Variants in TUSC3 observed in about 807,000 individuals in gnomAD.
The protein encoded by TUSC3 is dolichyl-diphosphooligosaccharide--protein glycosyltransferase subunit TUSC3.
TUSC3 carries 45 observed loss-of-function variants against 44.8 expected under a neutral mutation model. That is an observed-to-expected ratio of 1.00 (90% CI 0.79 to 1.29). The LOEUF (loss-of-function observed/expected upper bound fraction) is 1.29, where lower values mean the gene tolerates loss of function less well. TUSC3 is among the 50% of genes most tolerant of loss of function. The pLI, the probability that TUSC3 is intolerant of heterozygous loss-of-function variation, is 0.00. For synonymous variants in TUSC3, 212 were observed against 152.9 expected (o/e 1.39, Z -2.85); for missense variants, 519 against 437.9 (o/e 1.19, Z -1.65).
chr8:15,514,066 A>G (rs115643928), intron 2 of TUSC3, among the ~76,000 whole-genome samples: 1 of 152,128 alleles, frequency 6.6e-6, no homozygotes, highest in African/African-American at 2.4e-5. Context: ...GGTCCCTTCT[A>G]TGCGCCACCA....
chr8:15,725,394 C>T (rs1434814388), intron 6 of TUSC3, among the ~76,000 whole-genome samples: 1 of 152,104 alleles, frequency 6.6e-6, no homozygotes, highest in Non-Finnish European at 1.5e-5. Flanking sequence ...ATCTTTTGCT[C>T]TCAAGGCTGA....
intron 2 of TUSC3, among the ~76,000 whole-genome samples, chr8:15,489,617 C>T (rs1165663408): frequency 1.3e-5 from 2 of 152,142 alleles, no homozygotes; most frequent in Non-Finnish European, 1.5e-5. Flanking sequence ...GATCTGCTGT[C>T]ATGTGATGCT....
upstream of TUSC3, among the ~76,000 whole-genome samples, chr8:15,535,798 G>A (rs1801514139): frequency 6.6e-6 from 1 of 152,092 alleles, no homozygotes; most frequent in Non-Finnish European, 1.5e-5. Flanking sequence ...TTAAGAAGGG[G>A]AGGTTTGGGA....
At chr8:15,538,260 A>G (rs1173442426), upstream of TUSC3, among the ~76,000 whole-genome samples, 1 of 152,236 alleles carries the variant, frequency 6.6e-6, no homozygotes, top group African/African-American at 2.4e-5. Context: ...GCTTGCTCTC[A>G]GGCCACTGGA....
intron 6 of TUSC3, among the ~76,000 whole-genome samples, chr8:15,725,479 C>T (rs1396153562): frequency 6.6e-6 from 1 of 152,144 alleles, no homozygotes; most frequent in Non-Finnish European, 1.5e-5. Flanking sequence ...GAGAATTTAA[C>T]TCAGATATAG....
intron 2 of TUSC3, among the ~76,000 whole-genome samples, chr8:15,494,899 G>A (rs1800859072): frequency 6.6e-6 from 1 of 151,960 alleles, no homozygotes; most frequent in Non-Finnish European, 1.5e-5. Context: ...ATCTATAGCT[G>A]CATATTATCT....
Position 15,691,325 on chromosome 8 carries a change from A to G in TUSC3, c.798+17489A>G, listed in dbSNP as rs1184081054. Among the ~76,000 whole-genome samples the G allele has an allele frequency of 2.6e-5, 4 of 152,220 alleles. No homozygotes were observed. The East Asian group carries it at 7.7e-4, about 29-fold the overall frequency. ...CTTTCACCTTGGATGTTTTTGGTGT[A>G]TAGGAATGCTATTGATTTTTCTGCA... On this transcript the variant is annotated intron_variant, in intron 6 of 10. Transcript: ENST00000503731.
chr8:15,752,960 A>G (rs1811768274), intron 9 of TUSC3, among the ~76,000 whole-genome samples: 2 of 152,092 alleles, frequency 1.3e-5, no homozygotes, highest in Non-Finnish European at 2.9e-5. Context: ...TGAACTTGGT[A>G]CAAATATATG....
At chr8:15,418,692 A>C (rs1257694641) in intron 1 of TUSC3, among the ~76,000 whole-genome samples, 2 of 152,174 alleles carry the variant, frequency 1.3e-5, no homozygotes, top group Non-Finnish European at 2.9e-5. Flanking sequence ...TTTTGTCAAT[A>C]CCTAAGAGTT....
chr8:15,474,624 A>C (rs755694525), intron 1 of TUSC3, among the ~76,000 whole-genome samples: 4 of 152,218 alleles, frequency 2.6e-5, no homozygotes, highest in Non-Finnish European at 5.9e-5. Flanking sequence ...AAATTCAGTA[A>C]AGACAATGCA....
chr8:15,424,890 A>C, intron 1 of TUSC3, among the ~76,000 whole-genome samples: 1 of 152,084 alleles, frequency 6.6e-6, no homozygotes, highest in Non-Finnish European at 1.5e-5. Context: ...AAAAAAAAAA[A>C]AGAAAACTCG....
the TUSC3 span, among the ~76,000 whole-genome samples, chr8:15,772,138 A>G: frequency 6.6e-6 from 1 of 152,052 alleles, no homozygotes; most frequent in Non-Finnish European, 1.5e-5. Flanking sequence ...TCCCAAGTAC[A>G]CTTTAAAGAA....
At chr8:15,617,210 G>A (rs1244462529) in intron 1 of TUSC3, among the ~76,000 whole-genome samples, 1 of 145,534 alleles carries the variant, frequency 6.9e-6, no homozygotes, top group Admixed American at 7.1e-5. Context: ...TGTGATCTCC[G>A]CTCACTGCAA....
chr8:15,716,730 T>A (rs1385381859), intron 6 of TUSC3, among the ~76,000 whole-genome samples: 1 of 152,164 alleles, frequency 6.6e-6, no homozygotes, highest in Non-Finnish European at 1.5e-5. Flanking sequence ...AAATCATTTT[T>A]TAATGAGCTC....
At chr8:15,430,818 A>T (rs1294988068) in intron 1 of TUSC3, among the ~76,000 whole-genome samples, 2 of 151,810 alleles carry the variant, frequency 1.3e-5, no homozygotes, top group Non-Finnish European at 2.9e-5. Flanking sequence ...AATCACAAGC[A>T]TTCTTATACA....
At chr8:15,781,015 T>G in the TUSC3 span, among the ~76,000 whole-genome samples, 1 of 152,342 alleles carries the variant, frequency 6.6e-6, no homozygotes, top group Non-Finnish European at 1.5e-5. Flanking sequence ...GCCTGGCTTC[T>G]AACTAACTTG....
chr8:15,460,419 T>A (rs974439182), intron 1 of TUSC3, among the ~76,000 whole-genome samples: 5 of 152,156 alleles, frequency 3.3e-5, no homozygotes, highest in African/African-American at 7.2e-5. Context: ...AAGTTTGTTG[T>A]AGATTCTGGA....
intron 2 of TUSC3, among the ~76,000 whole-genome samples, chr8:15,496,739 A>C (rs562450322): frequency 6.6e-6 from 1 of 152,248 alleles, no homozygotes; most frequent in African/African-American, 2.4e-5. Flanking sequence ...GGGTCATTTT[A>C]ACAGGGAGAG....
At chr8:15,518,854 T>C (rs1801255934) in intron 2 of TUSC3, among the ~76,000 whole-genome samples, 1 of 152,198 alleles carries the variant, frequency 6.6e-6, no homozygotes, top group Non-Finnish European at 1.5e-5. Context: ...TATGAAAATA[T>C]AATCCCATTT....
Sources: gnomAD v4.1 joint callset for allele counts (sites outside exome capture counted in the v4.1 genomes callset) on GRCh38, gnomAD v4.1.1 for gene constraint, MANE v1.5 for transcripts, NCBI Gene and HGNC (gene_info 2026-07-23, HGNC 2026-07-21) for gene names.